PRAM1: variants seen among roughly 807,000 people sequenced by gnomAD.
PRAM1 encodes PML-RARA-regulated adapter molecule 1.
In PRAM1, 41 loss-of-function variants were observed where a neutral mutation model predicts 55.3. The ratio of observed to expected loss-of-function variants is 0.74; its 90% confidence interval spans 0.58 to 0.96. PRAM1 has a LOEUF of 0.96. Among genes scored for constraint, PRAM1 ranks in the 40% least tolerant of loss-of-function variants. The probability of loss-of-function intolerance (pLI) is 0.00; values close to 1 mark genes in which losing one functional copy is unlikely to be tolerated. For synonymous variants in PRAM1, 401 were observed against 387.1 expected (o/e 1.04, Z -0.42); for missense variants, 898 against 892.7 (o/e 1.01, Z -0.08).
At chr19:8,502,457 ACCCCCCGCCCC>A (rs1472238204) in intron 1 of PRAM1, 97 bp downstream of exon 1, 12 of 470,052 alleles carry the variant, frequency 2.6e-5, no homozygotes, top group Middle Eastern at 6.3e-4. Flanking sequence ...TTTCGCAGCC[ACCCCCCGCCCC>A]CCCGCCCGCC....
At position 8,495,772 on chromosome 19, in the gene PRAM1, G is replaced by A. The variant is rs376579336; in HGVS notation, c.1576+1992C>T. Among the ~76,000 whole-genome samples, 214 of 151,726 alleles carry A rather than the reference G, an allele frequency of 1.4e-3. 2 individuals are homozygous for A. In the South Asian group the frequency reaches 0.024, roughly 17 times the overall value. ...ACAGATTTAGGGACAGGCAGGCAAG[G>A]TGCTTCCCTGGAAGCTGCTTGTGTT... On this transcript the variant is annotated intron_variant, in intron 4 of 9. Transcript: ENST00000423345.
chr19:8,501,507 A>ATTTTTTTT (rs773534887), intron 1 of PRAM1, among the ~76,000 whole-genome samples: 10 of 102,844 alleles, frequency 9.7e-5, no homozygotes, highest in African/African-American at 1.2e-4. Context: ...ATGTGTCTTG[A>ATTTTTTTT]TTTTTTTTTT....
In PRAM1 at chr19:8,490,769, A is replaced by AT; in HGVS notation, c.1744-14dup. ...TCTCCCCTTCAAACTGGGGCGCGAG[A>AT]TGTTAGGGCCTCTGCTTGTGCTGCC... is the stretch of plus-strand genomic sequence containing the variant. On this transcript the variant is annotated splice_polypyrimidine_tract_variant and intron_variant, in intron 6 of 9. Coordinates refer to ENST00000423345, the MANE Select transcript of PRAM1 (RefSeq NM_032152.5). This position sits in a 1 kb window ranked among gnomAD's most constrained non-coding sequence, Gnocchi z 7.3. 1 of 1,607,610 alleles carries AT rather than the reference A, an allele frequency of 6.2e-7. No homozygotes were observed. The highest frequency in any genetic ancestry group is 8.5e-7 in the Non-Finnish European group (1 of 1,179,322).
rs1004618473 is a variant in PRAM1 at position 8,502,476 on chromosome 19, G to A, written c.27+89C>T. 1.8e-4 allele frequency: 40 copies of A among 228,156 alleles called. 1 individual carries two copies. The highest frequency in any genetic ancestry group is 9.3e-4 in the South Asian group (36 of 38,608). The allele number at this position is 228,156 out of a possible 1,614,324, so 14.1% of individuals were successfully genotyped here. Reference sequence around the variant, plus strand: ...GCAGCCACCCCCCGCCCCCCCGCCCGCCCCTCCACAGGTGGATCCTATCCT... The same window carrying A: ...GCAGCCACCCCCCGCCCCCCCGCCCACCCCTCCACAGGTGGATCCTATCCT... On this transcript the variant is annotated intron_variant, in intron 1 of 9. Transcript: ENST00000423345.
intron 1 of PRAM1, 67 bp from the exon 2 acceptor site, chr19:8,499,847 G>A (rs917765258): frequency 1.4e-6 from 2 of 1,380,526 alleles, no homozygotes; most frequent in Admixed American, 4.5e-5. Flanking sequence ...GGATGGGCCT[G>A]GGGACCCTCA....
chr19:8,491,376 G>A, intron 4 of PRAM1: 1 of 604,918 alleles, frequency 1.7e-6, no homozygotes, highest in African/African-American at 1.9e-5. Context: ...TGGGATTACA[G>A]GTGTCCATCA....
At chr19:8,499,913 T>C (rs936304738) in intron 1 of PRAM1, 133 bp from the exon 2 acceptor site, 2 of 717,238 alleles carry the variant, frequency 2.8e-6, no homozygotes, top group Non-Finnish European at 4.4e-6. Flanking sequence ...CTCAGCTCTT[T>C]CCCAGGAGCC....
Position 8,490,317 on chromosome 19 carries a change from C to T in PRAM1, c.1975+21G>A. ...GGGGAATCGCCAGGGTCCCTCCAGC[C>T]CTCCCAGAGTGTCCACGTACCGCAG... On this transcript the variant is annotated intron_variant, in intron 9 of 9. Coordinates refer to ENST00000423345, the MANE Select transcript of PRAM1 (RefSeq NM_032152.5). This position sits in a 1 kb window ranked among gnomAD's most constrained non-coding sequence, Gnocchi z 7.3. 1.9e-6 allele frequency: 3 copies of T among 1,613,990 alleles called. No homozygotes were observed. Among genetic ancestry groups the T allele is most frequent in the Non-Finnish European group, 2.5e-6 (3 of 1,179,888 alleles).
Position 8,490,867 on chromosome 19 carries a change from G to C in PRAM1, c.1743+20C>G. 1 of 1,611,356 alleles carries C rather than the reference G, an allele frequency of 6.2e-7. No individual in the cohort carries two copies. The highest frequency in any genetic ancestry group is 1.3e-5 in the African/African-American group (1 of 74,994). On this transcript the variant is annotated intron_variant, in intron 6 of 9. Coordinates refer to ENST00000423345, the MANE Select transcript of PRAM1 (RefSeq NM_032152.5). The surrounding 1 kb of genome is among the most constrained non-coding windows in gnomAD (Gnocchi z 7.3). ...TGGTCTCCGCCCTGCCAGGACTCCT[G>C]CTTAGCTCAGAGGCCTCACCTTGAA...
At position 8,490,292 on chromosome 19, in the gene PRAM1, G is replaced by A. The variant is rs571409902; in HGVS notation, c.1975+46C>T. The A allele has an allele frequency of 3.2e-5, 51 of 1,613,778 alleles. No homozygotes were observed. Among genetic ancestry groups the A allele is most frequent in the Middle Eastern group, 3.3e-4 (2 of 6,062 alleles). ...AAGCCCAATAGTGAGCAGCGCCCCC[G>A]GGGAATCGCCAGGGTCCCTCCAGCC... On this transcript the variant is annotated intron_variant, in intron 9 of 9. Coordinates refer to ENST00000423345, the MANE Select transcript of PRAM1 (RefSeq NM_032152.5). The surrounding 1 kb of genome is among the most constrained non-coding windows in gnomAD (Gnocchi z 7.3).
intron 4 of PRAM1, 59 bp downstream of exon 4, chr19:8,497,705 G>T: frequency 1.4e-6 from 2 of 1,405,622 alleles, no homozygotes; most frequent in Admixed American, 2.0e-5. Context: ...CCAGGAGCAT[G>T]GCAGAAAATG....
Position 8,499,287 on chromosome 19 carries a change from C to T in PRAM1, c.521G>A (p.Ser174Asn), listed in dbSNP as rs957160843. Reference protein sequence around the residue: ...ARKPLQPDELSHPARPPSEPK... With the variant: ...ARKPLQPDELNHPARPPSEPK... The stretch of plus-strand genomic sequence containing the variant: ...TTCGGAGGGGGGTCTGGCGGGGTGA[C>T]TGAGTTCGTCGGGCTGCAGGGGTTT... Residue 174 changes from serine to asparagine, a missense_variant, in exon 2 of 10, where the codon AGT becomes AAT. Coordinates refer to ENST00000423345, the MANE Select transcript of PRAM1 (RefSeq NM_032152.5). 2.5e-6 allele frequency: 4 copies of T among 1,609,240 alleles called. No individual in the cohort carries two copies. The African/African-American group carries it at 4.0e-5, about 16-fold the overall frequency.
At position 8,499,703 on chromosome 19, in the gene PRAM1, T is replaced by G. The variant is rs569843461; in HGVS notation, c.105A>C (p.Lys35Asn). The change falls in exon 2 of 10, where the codon AAA (lysine) becomes AAC (asparagine). Residue 35 changes from lysine to asparagine, a missense_variant. Coordinates refer to ENST00000423345, the MANE Select transcript of PRAM1 (RefSeq NM_032152.5). ...GTTTACCAAACTCAGGCTTCGGAGG[T>G]TTTTTGGGCAGGTCGCTGGGCTCCG... ...SQPEPSDLPK[K>N]PPKPEFGKLK... 1.1e-5 allele frequency: 17 copies of G among 1,612,636 alleles called. No individual in the cohort carries two copies. In the African/African-American group the frequency reaches 2.0e-4, roughly 19 times the overall value.
Position 8,490,621 on chromosome 19 carries a change from T to A in PRAM1, c.1879A>T (p.Met627Leu). ...TTGCCTTTGGGGTCCCGGCACAGCA[T>A]CTCCTCATTGCTGGTGAACTCGATC... ...EVIEFTSNEE[M>L]LCRDPKGKYG... Residue 627 changes from methionine to leucine, a missense_variant, in exon 7 of 10, where the codon ATG becomes TTG. Physicochemically the swap from Met to Leu is conservative, Grantham distance 15. Transcript: ENST00000423345. The surrounding 1 kb of genome is among the most constrained non-coding windows in gnomAD (Gnocchi z 7.3). 4 of 1,585,352 alleles carry A rather than the reference T, an allele frequency of 2.5e-6. No homozygotes were observed. The highest frequency in any genetic ancestry group is 3.4e-6 in the Non-Finnish European group (4 of 1,165,684).
At chr19:8,497,870 CTTTTTTTTTTT>C (rs58671333) in intron 3 of PRAM1, 30 bp from the exon 4 acceptor site, 253 of 359,080 alleles carry the variant, frequency 7.0e-4, no homozygotes, top group Non-Finnish European at 1.0e-3. Context: ...GAGGCCTCTT[CTTTTTTTTTTT>C]TTTTTTTTTT....
intron 1 of PRAM1, among the ~76,000 whole-genome samples, chr19:8,501,467 T>C (rs1174574159): frequency 6.6e-6 from 1 of 150,950 alleles, no homozygotes; most frequent in Admixed American, 6.6e-5. Flanking sequence ...TACCCACCCC[T>C]ACGTATTATA....
chr19:8,500,160 G>A (rs1198651431), intron 1 of PRAM1, among the ~76,000 whole-genome samples: 1 of 148,500 alleles, frequency 6.7e-6, no homozygotes, highest in African/African-American at 2.5e-5. Context: ...AGGCTGGAGA[G>A]CAGTGGTGCA....
intron 4 of PRAM1, among the ~76,000 whole-genome samples, chr19:8,492,225 G>A (rs1200403651): frequency 2.9e-5 from 4 of 139,022 alleles, no homozygotes; most frequent in South Asian, 4.9e-4. Context: ...GTGAGCCACC[G>A]TGCCTAGCCG....
chr19:8,493,987 G>A lies in PRAM1; in HGVS notation c.1577-2830C>T, dbSNP rs896345974. ...TAATTTTTGTATTTTTAGTAGAGAC[G>A]GGGTTTCACCATGTTGGCCAGGCTG... On this transcript the variant is annotated intron_variant, in intron 4 of 9. Transcript: ENST00000423345. The surrounding 1 kb of genome is among the most constrained non-coding windows in gnomAD (Gnocchi z 4.1). 1.3e-5 allele frequency among the ~76,000 whole-genome samples: 2 copies of A among 152,146 alleles called. No individual in the cohort carries two copies. The highest frequency in any genetic ancestry group is 2.9e-5 in the Non-Finnish European group (2 of 67,988).
Sources: gnomAD v4.1 joint callset for allele counts (sites outside exome capture counted in the v4.1 genomes callset) on GRCh38, gnomAD v4.1.1 for gene constraint, Gnocchi (gnomAD v3.1) non-coding constraint, MANE v1.5 for transcripts, NCBI Gene and HGNC (gene_info 2026-07-23, HGNC 2026-07-21) for gene names.